GAK: variants seen among roughly 807,000 people sequenced by gnomAD.
The protein encoded by GAK is cyclin-G-associated kinase.
In GAK, 79 loss-of-function variants were observed where a neutral mutation model predicts 143.9. The observed-to-expected ratio is 0.55, with a 90% CI of 0.46 to 0.66. The LOEUF is 0.66. Among genes scored for constraint, GAK ranks in the 30% least tolerant of loss-of-function variants. GAK has a pLI of 0.00. For missense variants in GAK, 1,693 were observed against 1,779.7 expected (o/e 0.95, Z 0.88); for synonymous variants, 881 against 765.5 (o/e 1.15, Z -2.49).
intron 24 of GAK, among the ~76,000 whole-genome samples, chr4:854,838 G>A (rs1403034433): frequency 6.6e-6 from 1 of 152,192 alleles, no homozygotes; most frequent in Non-Finnish European, 1.5e-5. Context: ...GAGGTCAGGA[G>A]ATCAAGACCA....
intron 20 of GAK, among the ~76,000 whole-genome samples, chr4:868,029 T>C (rs1010314462): frequency 6.6e-6 from 1 of 152,194 alleles, no homozygotes; most frequent in Non-Finnish European, 1.5e-5. Context: ...ACGAGCCCGA[T>C]GGGAAGGCCA....
rs1366360383 is a variant in GAK at position 849,595 on chromosome 4, G to A, written c.*78C>T. The stretch of plus-strand genomic sequence containing the variant: ...GGCCACACCTGCTGTCGCCCACGGG[G>A]TCCTCACGGTGGGGACCCAGGTCCC... On this transcript the variant is annotated 3_prime_UTR_variant, in exon 28 of 28. Coordinates refer to ENST00000314167, the MANE Select transcript of GAK (RefSeq NM_005255.4). 8.7e-7 allele frequency: 1 copy of A among 1,153,130 alleles called. No homozygotes were observed. The highest frequency in any genetic ancestry group is 2.5e-5 in the East Asian group (1 of 39,316). 71.4% of individuals were successfully genotyped at this position (1,153,130 alleles called of 1,614,324 possible). A position where few individuals can be genotyped will look rare whatever the true frequency, so the allele number is the denominator to read the frequency against.
chr4:929,351 G>A (rs988287559), intron 1 of GAK, among the ~76,000 whole-genome samples: 2 of 152,186 alleles, frequency 1.3e-5, no homozygotes, highest in Non-Finnish European at 1.5e-5. Flanking sequence ...GTGCGGCATC[G>A]TTTTCTTTTC....
At chr4:882,131 T>TGCAGGGAC in intron 14 of GAK, 91 bp from the exon 15 acceptor site, 1 of 1,363,060 alleles carries the variant, frequency 7.3e-7, no homozygotes, top group Middle Eastern at 2.3e-4. Context: ...ACCCTGTGGC[T>TGCAGGGAC]GCAGGGACGC....
At chr4:875,615 C>A (rs932619615) in intron 18 of GAK, among the ~76,000 whole-genome samples, 2 of 152,232 alleles carry the variant, frequency 1.3e-5, no homozygotes, top group African/African-American at 4.8e-5. Context: ...GTGGGTGCCC[C>A]CTCTGACTCC....
chr4:886,730 C>A (rs1398899738), intron 11 of GAK: 1 of 152,240 alleles, frequency 6.6e-6, no homozygotes, highest in African/African-American at 2.4e-5. Context: ...CACGCAGTGT[C>A]ACCTGTCAGG....
chr4:849,619 C>T lies in GAK; in HGVS notation c.*54G>A. ...GGTCCTCACGGTGGGGACCCAGGTC[C>T]CACGACGGCTCCCAACCTGTGGAGC... On this transcript the variant is annotated 3_prime_UTR_variant, in exon 28 of 28. Coordinates refer to ENST00000314167, the MANE Select transcript of GAK (RefSeq NM_005255.4). 33 of 1,438,642 alleles carry T rather than the reference C, an allele frequency of 2.3e-5. No individual in the cohort carries two copies. The highest frequency in any genetic ancestry group is 3.2e-5 in the Non-Finnish European group (33 of 1,034,258). 89.1% of individuals were successfully genotyped at this position (1,438,642 alleles called of 1,614,324 possible). A position where few individuals can be genotyped will look rare whatever the true frequency, so the allele number is the denominator to read the frequency against.
chr4:867,306 T>A lies in GAK; in HGVS notation c.2522A>T (p.Gln841Leu). 1 of 1,611,802 alleles carries A rather than the reference T, an allele frequency of 6.2e-7. No homozygotes were observed. Among genetic ancestry groups the A allele is most frequent in the Non-Finnish European group, 8.5e-7 (1 of 1,178,844 alleles). The change falls in exon 21 of 28, where the codon CAG becomes CTG. Residue 841 changes from glutamine (Q) to leucine (L), a missense_variant. By Grantham distance (113) the Gln-to-Leu change is moderately radical. Coordinates refer to ENST00000314167, the MANE Select transcript of GAK (RefSeq NM_005255.4). ...EGGSPISSEG[Q>L]EPRADPEPPG... ...GGGCTCTGGGTCGGCCCTGGGTTCC[T>A]GGCCCTCGCTGGAGATCGGGGATCC... is the stretch of plus-strand genomic sequence containing the variant.
intron 13 of GAK, 100 bp downstream of exon 13, chr4:883,215 C>T: frequency 5.6e-6 from 8 of 1,421,430 alleles, no homozygotes; most frequent in Admixed American, 2.2e-5. Flanking sequence ...CGGCCGCCCC[C>T]ATCACAGCCC....
chr4:926,283 C>A (rs866719938), intron 1 of GAK, among the ~76,000 whole-genome samples: 2 of 152,330 alleles, frequency 1.3e-5, no homozygotes, highest in South Asian at 4.1e-4. Flanking sequence ...TGCCAAGGGT[C>A]AGCCGCAGCT....
intron 11 of GAK, chr4:885,762 C>CT (rs113111576): frequency 0.036 from 5,338 of 147,192 alleles, 116 homozygotes; most frequent in Non-Finnish European, 0.054. Flanking sequence ...ATTCACTGTC[C>CT]TTTTTTTTTT....
At chr4:868,391 A>G in intron 20 of GAK, 148 bp downstream of exon 20, 1 of 667,216 alleles carries the variant, frequency 1.5e-6, no homozygotes, top group East Asian at 2.8e-5. Context: ...ATTAAAGAAC[A>G]GGCTGACATG....
intron 23 of GAK, 94 bp downstream of exon 23, chr4:865,028 C>A: frequency 2.0e-6 from 3 of 1,494,118 alleles, no homozygotes; most frequent in Non-Finnish European, 2.7e-6. Context: ...CTTCTCTGCG[C>A]AGAGAGGGCC....
intron 3 of GAK, 38 bp from the exon 4 acceptor site, chr4:911,825 T>G (rs776789422): frequency 1.4e-6 from 2 of 1,465,116 alleles, no homozygotes; most frequent in Non-Finnish European, 1.9e-6. Flanking sequence ...TACATAACCA[T>G]GTCCACAGTT....
intron 5 of GAK, among the ~76,000 whole-genome samples, chr4:903,639 C>T (rs1226392043): frequency 2.8e-5 from 4 of 144,806 alleles, no homozygotes; most frequent in South Asian, 2.2e-4. Flanking sequence ...CTGACACCAC[C>T]AGGGGACTGA....
At chr4:908,872 C>G (rs1250998616) in intron 4 of GAK, among the ~76,000 whole-genome samples, 1 of 152,158 alleles carries the variant, frequency 6.6e-6, no homozygotes, top group Admixed American at 6.5e-5. Context: ...TCATAAAACT[C>G]TGGGTTGTTG....
rs112166801 is a variant in GAK at position 893,202 on chromosome 4, C to T, written c.990+175G>A. On this transcript the variant is annotated intron_variant, in intron 9 of 27. Transcript: ENST00000314167. ...CCCTCTGCGGGGGATCTGGGGCTCA[C>T]GTGTGCCTCCCTCCCCTCTGTGATA... is the stretch of plus-strand genomic sequence containing the variant. Among the ~76,000 whole-genome samples, 387 of 150,898 alleles carry T rather than the reference C, an allele frequency of 2.6e-3. 2 individuals carry two copies. The highest frequency in any genetic ancestry group is 8.9e-3 in the African/African-American group (365 of 41,010).
At chr4:907,964 G>A (rs1233960039) in intron 4 of GAK, among the ~76,000 whole-genome samples, 2 of 152,170 alleles carry the variant, frequency 1.3e-5, no homozygotes, top group Non-Finnish European at 2.9e-5. Context: ...TGCAGGGTCA[G>A]CGATGAGCCG....
In GAK at chr4:892,318, A is replaced by G. The variant is rs111513887; in HGVS notation, c.990+1059T>C. On this transcript the variant is annotated intron_variant, in intron 9 of 27. Transcript: ENST00000314167. ...AAGAGTCCTGGGTCCTTGGACACAG[A>G]CCCCTGCGAGATCTGCAGAGGGGCC... is the stretch of plus-strand genomic sequence containing the variant. Among the ~76,000 whole-genome samples, 46 of 151,924 alleles carry G rather than the reference A, an allele frequency of 3.0e-4. 1 individual carries two copies. The highest frequency in any genetic ancestry group is 1.0e-3 in the African/African-American group (43 of 41,406).
Sources: gnomAD v4.1 joint callset for allele counts (sites outside exome capture counted in the v4.1 genomes callset) on GRCh38, gnomAD v4.1.1 for gene constraint, MANE v1.5 for transcripts, NCBI Gene and HGNC (gene_info 2026-07-23, HGNC 2026-07-21) for gene names.